The following NF1 variants were observed in gnomAD, a reference collection of about 807,000 sequenced individuals.
The protein encoded by NF1 is neurofibromin 1, also known as neurofibromin.
A neutral mutation model predicts 325.7 loss-of-function variants in NF1; 122 were observed. The ratio of observed to expected loss-of-function variants is 0.37; its 90% confidence interval spans 0.32 to 0.44. NF1 has a LOEUF of 0.44. Among genes scored for constraint, NF1 ranks in the 20% least tolerant of loss-of-function variants. The pLI, the probability that NF1 is intolerant of heterozygous loss-of-function variation, is 1.00. For synonymous variants in NF1, 1,091 were observed against 1,186.0 expected, an observed-to-expected ratio of 0.92 and a Z score of 1.65; for missense variants, 2,140 against 3,415.4, an observed-to-expected ratio of 0.63 and a Z score of 9.31.
At chr17:31,214,815 T>C (rs1228755252) in intron 13 of NF1, among the ~76,000 whole-genome samples, 4 of 152,240 alleles carry the variant, frequency 2.6e-5, no homozygotes, top group Non-Finnish European at 5.9e-5. Flanking sequence ...CTCTTTCTTC[T>C]TAATTTCCCT....
At chr17:31,353,941 G>A (rs2070212170) in intron 51 of NF1, among the ~76,000 whole-genome samples, 1 of 152,222 alleles carries the variant, frequency 6.6e-6, no homozygotes, top group Admixed American at 6.5e-5. Flanking sequence ...CCACATAGGT[G>A]TGTTACTGTT....
intron 8 of NF1, among the ~76,000 whole-genome samples, chr17:31,188,409 T>C (rs897952872): frequency 9.2e-5 from 14 of 152,256 alleles, no homozygotes; most frequent in Admixed American, 6.5e-5. Context: ...CATCAGCATT[T>C]TAAGTATTGT....
chr17:31,102,847 TTCA>T (rs1912473980), intron 1 of NF1, among the ~76,000 whole-genome samples: 1 of 151,834 alleles, frequency 6.6e-6, no homozygotes, highest in Non-Finnish European at 1.5e-5. Flanking sequence ...TTTCTTCTTC[TTCA>T]TTTTTTTTTT....
At chr17:31,122,651 C>T (rs1172200765) in intron 1 of NF1, among the ~76,000 whole-genome samples, 1 of 152,156 alleles carries the variant, frequency 6.6e-6, no homozygotes, top group Non-Finnish European at 1.5e-5. Context: ...AGCATTTCTA[C>T]CTCTGTAATT....
chr17:31,196,258 TTTAAA>T (rs1399864774), intron 8 of NF1, among the ~76,000 whole-genome samples: 1 of 152,082 alleles, frequency 6.6e-6, no homozygotes, highest in Admixed American at 6.5e-5. Context: ...TTTCCTAGCA[TTTAAA>T]TTTTTCTGTT....
At chr17:31,329,444 C>CTA (rs2069426934) in intron 38 of NF1, among the ~76,000 whole-genome samples, 1 of 152,118 alleles carries the variant, frequency 6.6e-6, no homozygotes, top group Admixed American at 6.5e-5. Flanking sequence ...CTTTTTTTCC[C>CTA]TATATGGTTG....
intron 13 of NF1, among the ~76,000 whole-genome samples, chr17:31,217,179 G>A (rs1332450484): frequency 6.6e-6 from 1 of 152,150 alleles, no homozygotes; most frequent in East Asian, 1.9e-4. Context: ...TTATATGAAT[G>A]TCAGAAAATA....
At chr17:31,165,683 A>T (rs2065833851) in intron 4 of NF1, among the ~76,000 whole-genome samples, 1 of 151,956 alleles carries the variant, frequency 6.6e-6, no homozygotes, top group Non-Finnish European at 1.5e-5. Flanking sequence ...AAGATAGGCT[A>T]TAGATTTATT....
intron 36 of NF1, chr17:31,318,431 T>C (rs1397035975): frequency 6.2e-7 from 1 of 1,614,030 alleles, no homozygotes; most frequent in East Asian, 2.2e-5. Context: ...CTTTTCCAAG[T>C]GTCTGATTCA....
At chr17:31,189,265 C>T (rs1178521731) in intron 8 of NF1, among the ~76,000 whole-genome samples, 2 of 152,042 alleles carry the variant, frequency 1.3e-5, no homozygotes, top group Non-Finnish European at 2.9e-5. Flanking sequence ...TTTATGAGTT[C>T]TTTTTACTAT....
At chr17:31,306,162 T>C (rs1410602294) in intron 36 of NF1, among the ~76,000 whole-genome samples, 2 of 152,194 alleles carry the variant, frequency 1.3e-5, no homozygotes, top group Non-Finnish European at 2.9e-5. Context: ...AAGTAGCTTT[T>C]TGTAATCAGT....
Position 31,169,973 on chromosome 17 carries a change from G to A in NF1, c.562G>A (p.Ala188Thr), listed in dbSNP as rs778975931. The A allele has an allele frequency of 6.4e-7, 1 of 1,562,878 alleles. No homozygotes were observed. Among genetic ancestry groups the A allele is most frequent in the East Asian group, 2.4e-5 (1 of 42,440 alleles). ...GTTACAGTATATCAATGTGGATTGT[G>A]CAAAATTAAAACGACTCCTGAAGGG... Reference protein sequence around the residue: ...ELLQYINVDCAKLKRLLKETA... With the variant: ...ELLQYINVDCTKLKRLLKETA... Residue 188 changes from alanine (A) to threonine (T), a missense_variant, in exon 5 of 58, where the codon GCA becomes ACA. Transcript: ENST00000358273.
At chr17:31,232,270 C>A in intron 25 of NF1, 81 bp downstream of exon 25, 2 of 844,300 alleles carry the variant, frequency 2.4e-6, no homozygotes, top group East Asian at 2.4e-5. Flanking sequence ...GAAATAATAC[C>A]CATGACAGGA....
intron 3 of NF1, among the ~76,000 whole-genome samples, chr17:31,162,070 A>G (rs1289039839): frequency 1.3e-5 from 2 of 151,418 alleles, no homozygotes; most frequent in East Asian, 3.9e-4. Flanking sequence ...ACGAAAATAT[A>G]CAATACAGTA....
At chr17:31,318,472 C>T (rs1240288743) in intron 36 of NF1, 1 of 1,613,882 alleles carries the variant, frequency 6.2e-7, no homozygotes, top group Admixed American at 1.7e-5. Context: ...CAGAAAATCG[C>T]CATTGCTTCT....
intron 36 of NF1, chr17:31,305,215 C>G (rs572332677): frequency 1.2e-6 from 2 of 1,613,920 alleles, no homozygotes; most frequent in Admixed American, 3.3e-5. Flanking sequence ...GGTAGAAGTA[C>G]GGGCAGATGG....
intron 36 of NF1, chr17:31,305,449 T>G (rs750989438): frequency 2.5e-6 from 4 of 1,614,094 alleles, no homozygotes; most frequent in Non-Finnish European, 3.4e-6. Flanking sequence ...ACCCAAAGGA[T>G]TCCCTGTTGT....
chr17:31,210,714 T>C (rs955394255), intron 12 of NF1, among the ~76,000 whole-genome samples: 1 of 152,246 alleles, frequency 6.6e-6, no homozygotes, highest in African/African-American at 2.4e-5. Flanking sequence ...GATACAGATA[T>C]AATACTATGA....
At chr17:31,305,641 T>G (rs747123373) in intron 36 of NF1, 1 of 1,577,486 alleles carries the variant, frequency 6.3e-7, no homozygotes, top group Non-Finnish European at 8.6e-7. Context: ...CTATAGCGGG[T>G]TTATAATGAA....
Sources: gnomAD v4.1 joint callset for allele counts (sites outside exome capture counted in the v4.1 genomes callset) on GRCh38, gnomAD v4.1.1 for gene constraint, MANE v1.5 for transcripts, NCBI Gene and HGNC (gene_info 2026-07-23, HGNC 2026-07-21) for gene names.